TMEM132D: variants seen among roughly 807,000 people sequenced by gnomAD.
TMEM132D encodes mature OL transmembrane protein.
TMEM132D carries 21 observed loss-of-function variants against 62.3 expected under a neutral mutation model. That is an observed-to-expected ratio of 0.34 (90% confidence interval 0.24 to 0.49). The LOEUF (loss-of-function observed/expected upper bound fraction) is 0.49. Ranked by LOEUF, TMEM132D falls within the 20% of genes least tolerant of loss-of-function variation. The probability of loss-of-function intolerance (pLI) is 0.99; values close to 1 mark genes in which losing one functional copy is unlikely to be tolerated. For missense variants in TMEM132D, 1,346 were observed against 1,402.8 expected, an observed-to-expected ratio of 0.96 and a Z score of 0.65; for synonymous variants, 621 against 575.6, an observed-to-expected ratio of 1.08 and a Z score of -1.13.
At chr12:129,261,204 A>G (rs1880542601) in intron 4 of TMEM132D, among the ~76,000 whole-genome samples, 2 of 152,150 alleles carry the variant, frequency 1.3e-5, no homozygotes, top group Non-Finnish European at 2.9e-5. Flanking sequence ...CATAACAAAT[A>G]CCATAGATTG....
intron 1 of TMEM132D, chr12:129,854,619 CTT>C (rs1873659300): frequency 1.3e-5 from 2 of 152,214 alleles, no homozygotes; most frequent in African/African-American, 4.8e-5. Context: ...TGAGGAAACT[CTT>C]TTCTCCCCAC....
intron 2 of TMEM132D, among the ~76,000 whole-genome samples, chr12:129,623,943 C>T (rs1879146986): frequency 6.6e-6 from 1 of 152,036 alleles, no homozygotes; most frequent in Non-Finnish European, 1.5e-5. Flanking sequence ...AGTGGGATTG[C>T]TGGACAGTCG....
At chr12:129,536,364 C>T (rs1216678889) in intron 2 of TMEM132D, among the ~76,000 whole-genome samples, 1 of 152,152 alleles carries the variant, frequency 6.6e-6, no homozygotes, top group Non-Finnish European at 1.5e-5. Flanking sequence ...CTCTTTGTCT[C>T]CATACTTACT....
chr12:129,449,998 G>C (rs750754079), intron 3 of TMEM132D, among the ~76,000 whole-genome samples: 2 of 152,130 alleles, frequency 1.3e-5, no homozygotes, highest in Non-Finnish European at 2.9e-5. Flanking sequence ...CCATATGATT[G>C]TTGGCCACAT....
At chr12:129,737,502 C>A (rs1869465870) in intron 1 of TMEM132D, among the ~76,000 whole-genome samples, 1 of 152,162 alleles carries the variant, frequency 6.6e-6, no homozygotes. Context: ...ATTGGCTAGA[C>A]ACAAATCCTA....
intron 2 of TMEM132D, among the ~76,000 whole-genome samples, chr12:129,645,889 T>C (rs1879765291): frequency 6.6e-6 from 1 of 152,188 alleles, no homozygotes; most frequent in East Asian, 1.9e-4. Context: ...CTCCTGGAAG[T>C]TCCCCTATAT....
intron 2 of TMEM132D, among the ~76,000 whole-genome samples, chr12:129,581,678 C>A (rs192707677): frequency 2.0e-5 from 3 of 152,146 alleles, no homozygotes; most frequent in Non-Finnish European, 4.4e-5. Flanking sequence ...TTATCCTAGC[C>A]GAGCTGGCAG....
At chr12:129,373,941 G>A (rs995659061) in intron 3 of TMEM132D, among the ~76,000 whole-genome samples, 29 of 152,218 alleles carry the variant, frequency 1.9e-4, no homozygotes, top group African/African-American at 7.0e-4. Context: ...GTGCTTCTGG[G>A]AAGGCAAGGA....
At chr12:129,587,931 G>T (rs534640234) in intron 2 of TMEM132D, among the ~76,000 whole-genome samples, 1 of 152,292 alleles carries the variant, frequency 6.6e-6, no homozygotes, top group South Asian at 2.1e-4. Context: ...AGTTCAAGAT[G>T]AGTCTCAGTA....
At chr12:129,715,998 C>T (rs1017378395) in intron 1 of TMEM132D, among the ~76,000 whole-genome samples, 9 of 152,146 alleles carry the variant, frequency 5.9e-5, no homozygotes, top group South Asian at 2.1e-4. Flanking sequence ...AGGCTGTAGA[C>T]GATCAACCTA....
intron 4 of TMEM132D, among the ~76,000 whole-genome samples, chr12:129,248,438 T>C (rs1880180727): frequency 6.6e-6 from 1 of 152,216 alleles, no homozygotes; most frequent in African/African-American, 2.4e-5. Flanking sequence ...CATAACATCC[T>C]GGTACTGTAG....
intron 3 of TMEM132D, among the ~76,000 whole-genome samples, chr12:129,421,511 A>G (rs1461159993): frequency 2.6e-5 from 4 of 152,148 alleles, no homozygotes; most frequent in African/African-American, 7.2e-5. Flanking sequence ...GCTCCTAAAC[A>G]TGTTTCAGTT....
In TMEM132D at chr12:129,813,611, G is replaced by GATATATATATATATATATATAT. The variant is rs3046846; in HGVS notation, c.79+89649_79+89650insATATATATATATATATATATAT. Among the ~76,000 whole-genome samples the GATATATATATATATATATATAT allele has an allele frequency of 1.2e-3, 168 of 136,594 alleles. 3 individuals carry two copies. Among genetic ancestry groups the GATATATATATATATATATATAT allele is most frequent in the Admixed American group, 7.1e-3 (94 of 13,166 alleles). The allele number at this position is 136,594 out of a possible 152,430, so 89.6% of individuals were successfully genotyped here. ...AAGGATGGACGGATACAGAAAATGT[G>GATATATATATATATATATATAT]ATATATATATATATATATATTTTCA... On this transcript the variant is annotated intron_variant, in intron 1 of 8. Transcript: ENST00000422113.
intron 1 of TMEM132D, among the ~76,000 whole-genome samples, chr12:129,837,906 C>G (rs1873056294): frequency 6.6e-6 from 1 of 152,172 alleles, no homozygotes; most frequent in South Asian, 2.1e-4. Context: ...CCTGGAACGG[C>G]TAAGTTAATA....
At chr12:129,156,445 A>G (rs1276289080) in intron 5 of TMEM132D, among the ~76,000 whole-genome samples, 1 of 152,156 alleles carries the variant, frequency 6.6e-6, no homozygotes, top group Non-Finnish European at 1.5e-5. Context: ...GAGATAACTA[A>G]CCCATTCCCA....
At chr12:129,146,511 A>T (rs184024095) in intron 5 of TMEM132D, among the ~76,000 whole-genome samples, 1 of 152,174 alleles carries the variant, frequency 6.6e-6, no homozygotes. Flanking sequence ...ATGTCACCCA[A>T]ATATAATCCA....
intron 3 of TMEM132D, among the ~76,000 whole-genome samples, chr12:129,515,324 C>T (rs1875640389): frequency 6.6e-6 from 1 of 152,020 alleles, no homozygotes; most frequent in South Asian, 2.1e-4. Context: ...ATACCTTTCC[C>T]CACATATTAG....
intron 5 of TMEM132D, among the ~76,000 whole-genome samples, chr12:129,200,495 G>A (rs547176601): frequency 3.3e-5 from 5 of 152,262 alleles, no homozygotes; most frequent in East Asian, 3.9e-4. Flanking sequence ...TCAGTGAGGC[G>A]GCGCAATCCC....
intron 3 of TMEM132D, among the ~76,000 whole-genome samples, chr12:129,515,212 G>A (rs975580301): frequency 5.9e-5 from 9 of 152,230 alleles, no homozygotes; most frequent in African/African-American, 1.9e-4. Flanking sequence ...CAGACTTAAC[G>A]TTCCCCAGAA....
Sources: gnomAD v4.1 joint callset for allele counts (sites outside exome capture counted in the v4.1 genomes callset) on GRCh38, gnomAD v4.1.1 for gene constraint, MANE v1.5 for transcripts, NCBI Gene and HGNC (gene_info 2026-07-23, HGNC 2026-07-21) for gene names.